RIMS2: variants seen among roughly 807,000 people sequenced by gnomAD.
The protein encoded by RIMS2 is regulating synaptic membrane exocytosis 2, also known as regulating synaptic membrane exocytosis protein 2.
Under a neutral mutation model 174.4 loss-of-function variants are expected in RIMS2, and 59 were observed. The ratio of observed to expected loss-of-function variants is 0.34; its 90% CI spans 0.27 to 0.42. The LOEUF (loss-of-function observed/expected upper bound fraction) is 0.42. Among genes scored for constraint, RIMS2 ranks in the 10% least tolerant of loss-of-function variants. The pLI is 1.00. For synonymous variants in RIMS2, 606 were observed against 572.5 expected, an observed-to-expected ratio of 1.06 and a Z score of -0.84; for missense variants, 1,620 against 1,666.3, an observed-to-expected ratio of 0.97 and a Z score of 0.48.
At chr8:104,030,449 A>G (rs981968057) in intron 19 of RIMS2, among the ~76,000 whole-genome samples, 1 of 152,228 alleles carries the variant, frequency 6.6e-6, no homozygotes, top group African/African-American at 2.4e-5. Context: ...GAATGCTACT[A>G]TGAGAATAAG....
chr8:104,111,902 T>C (rs927849703), intron 19 of RIMS2, among the ~76,000 whole-genome samples: 3 of 152,176 alleles, frequency 2.0e-5, no homozygotes, highest in Admixed American at 2.0e-4. Flanking sequence ...TAGAAGACTC[T>C]CTCCCAGTTT....
intron 1 of RIMS2, among the ~76,000 whole-genome samples, chr8:103,633,315 G>A (rs2095991388): frequency 1.3e-5 from 2 of 150,616 alleles, no homozygotes; most frequent in South Asian, 4.2e-4. Context: ...CCAAAGTGCT[G>A]GGATTACAGG....
chr8:103,913,059 G>C lies in RIMS2; in HGVS notation c.1812+887G>C, dbSNP rs115841022. Among the ~76,000 whole-genome samples, 698 of 143,382 alleles carry C rather than the reference G, an allele frequency of 4.9e-3. 9 individuals carry two copies. Among genetic ancestry groups the C allele is most frequent in the African/African-American group, 0.017 (642 of 38,904 alleles). 94.1% of individuals were successfully genotyped at this position (143,382 alleles called of 152,430 possible). ...ATGATCTCGGGTCACTGCAACCTTC[G>C]CCTCTTGGATTCAAGTGATTCTCCT... On this transcript the variant is annotated intron_variant, in intron 6 of 23. Coordinates refer to ENST00000504942, the Ensembl canonical transcript of RIMS2.
At chr8:103,928,681 T>A (rs1338101293) in intron 11 of RIMS2, among the ~76,000 whole-genome samples, 1 of 151,312 alleles carries the variant, frequency 6.6e-6, no homozygotes, top group African/African-American at 2.4e-5. Context: ...TTCTTGTTAA[T>A]ATTATACAAT....
intron 19 of RIMS2, among the ~76,000 whole-genome samples, chr8:104,061,351 T>C (rs947609294): frequency 6.6e-6 from 1 of 152,116 alleles, no homozygotes; most frequent in African/African-American, 2.4e-5. Flanking sequence ...CTTTTGATCT[T>C]TGTTGGTTTA....
At chr8:103,591,635 A>G (rs1406463066) in intron 1 of RIMS2, among the ~76,000 whole-genome samples, 1 of 151,130 alleles carries the variant, frequency 6.6e-6, no homozygotes, top group Non-Finnish European at 1.5e-5. Context: ...TTCCATATGG[A>G]TATCCAGTTT....
intron 2 of RIMS2, among the ~76,000 whole-genome samples, chr8:103,732,801 T>C (rs1170715291): frequency 6.6e-6 from 1 of 152,140 alleles, no homozygotes; most frequent in Non-Finnish European, 1.5e-5. Context: ...CAGCTTTTAG[T>C]GAATGCTTCA....
intron 2 of RIMS2, among the ~76,000 whole-genome samples, chr8:103,733,400 G>A (rs1250908086): frequency 6.6e-6 from 1 of 152,132 alleles, no homozygotes; most frequent in Admixed American, 6.6e-5. Context: ...GGTGGTGCAA[G>A]CACTCCCCTT....
chr8:103,658,860 G>C (rs2096562953), intron 1 of RIMS2, among the ~76,000 whole-genome samples: 1 of 152,178 alleles, frequency 6.6e-6, no homozygotes, highest in Non-Finnish European at 1.5e-5. Context: ...ACAAGACTGA[G>C]TGTATCACAT....
chr8:104,230,577 C>T (rs553118128), intron 19 of RIMS2, among the ~76,000 whole-genome samples: 17 of 152,038 alleles, frequency 1.1e-4, no homozygotes, highest in Admixed American at 5.2e-4. Context: ...ACCCTGGAGG[C>T]GGAAGTTGCA....
At chr8:103,675,573 G>T (rs998249455) in intron 1 of RIMS2, among the ~76,000 whole-genome samples, 1 of 152,106 alleles carries the variant, frequency 6.6e-6, no homozygotes, top group Non-Finnish European at 1.5e-5. Flanking sequence ...AATTAAACAA[G>T]TATTAAAAAT....
At position 104,251,281 on chromosome 8, in the gene RIMS2, A is replaced by T. The variant is rs1163559769; in HGVS notation, c.3831+118A>T. 4.3e-6 allele frequency: 4 copies of T among 932,528 alleles called. No homozygotes were observed. In the East Asian group the frequency reaches 7.9e-5, roughly 18 times the overall value. 57.8% of individuals were successfully genotyped at this position (932,528 alleles called of 1,614,324 possible). A position where few individuals can be genotyped will look rare whatever the true frequency, so the allele number is the denominator to read the frequency against. ...GTTCCTCACAAAGGAAATTCTTTGG[A>T]AACTTTTCAAAGCAGTGGCCCGTGC... is the stretch of plus-strand genomic sequence containing the variant. On this transcript the variant is annotated intron_variant, in intron 23 of 23. Coordinates refer to ENST00000504942, the Ensembl canonical transcript of RIMS2.
At chr8:103,935,422 CT>C (rs2081023959) in intron 12 of RIMS2, among the ~76,000 whole-genome samples, 1 of 152,172 alleles carries the variant, frequency 6.6e-6, no homozygotes, top group African/African-American at 2.4e-5. Flanking sequence ...TATAATACCT[CT>C]TCATCATTCA....
intron 19 of RIMS2, among the ~76,000 whole-genome samples, chr8:104,067,397 A>G (rs140255712): frequency 8.0e-4 from 122 of 152,316 alleles, no homozygotes; most frequent in African/African-American, 2.7e-3. Context: ...TTTAAAAATG[A>G]CAAATGTACT....
At chr8:103,670,115 C>T (rs1305659413) in intron 1 of RIMS2, among the ~76,000 whole-genome samples, 1 of 152,208 alleles carries the variant, frequency 6.6e-6, no homozygotes, top group Non-Finnish European at 1.5e-5. Flanking sequence ...TTCTGTACAC[C>T]CTCAGGCTCA....
chr8:103,835,441 G>C (rs1424207666), intron 3 of RIMS2, among the ~76,000 whole-genome samples: 1 of 148,004 alleles, frequency 6.8e-6, no homozygotes, highest in African/African-American at 2.4e-5. Context: ...TTCAGGCATT[G>C]ATTGAATTTG....
At chr8:104,247,121 C>T (rs6468911) in intron 20 of RIMS2, among the ~76,000 whole-genome samples, 60,697 of 151,834 alleles carry the variant, frequency 0.4, 12,576 homozygotes, top group East Asian at 0.64. Flanking sequence ...AGGTCAGATT[C>T]TGAATGTATT....
chr8:103,886,146 A>G (rs1245539065), exon 4 of RIMS2: 2 of 1,612,970 alleles, frequency 1.2e-6, no homozygotes, highest in Non-Finnish European at 1.7e-6. Context: ...AGCAGTTCAG[A>G]GGAGGAATTG....
At chr8:103,526,586 C>G (rs898407885) in intron 1 of RIMS2, among the ~76,000 whole-genome samples, 15 of 151,952 alleles carry the variant, frequency 9.9e-5, no homozygotes, top group African/African-American at 3.6e-4. Context: ...AGCGCTTTGG[C>G]AGAGCACTAT....
Sources: gnomAD v4.1 joint callset for allele counts (sites outside exome capture counted in the v4.1 genomes callset) on GRCh38, gnomAD v4.1.1 for gene constraint, MANE v1.5 for transcripts, NCBI Gene and HGNC (gene_info 2026-07-23, HGNC 2026-07-21) for gene names.